The following CNBD1 variants were observed in gnomAD, a reference collection of about 807,000 sequenced individuals.
The protein encoded by CNBD1 is cyclic nucleotide binding domain containing 1.
Under a neutral mutation model 54.4 loss-of-function variants are expected in CNBD1, and 71 were observed. The observed-to-expected ratio is 1.30, with a 90% CI of 1.08 to 1.59. CNBD1 has a LOEUF of 1.59. Ranked by LOEUF, CNBD1 falls within the 40% of genes most tolerant of loss-of-function variation. CNBD1 has a pLI of 0.00. For missense variants in CNBD1, 659 were observed against 518.0 expected (o/e 1.27, Z -2.64); for synonymous variants, 182 against 170.7 (o/e 1.07, Z -0.51).
intron 5 of CNBD1, among the ~76,000 whole-genome samples, chr8:87,211,227 C>T (rs911934342): frequency 2.6e-5 from 4 of 152,258 alleles, no homozygotes; most frequent in Non-Finnish European, 5.9e-5. Context: ...TTGCCTGTTT[C>T]CCCATTGTAT....
chr8:87,116,189 T>A, intron 4 of CNBD1, among the ~76,000 whole-genome samples: 1 of 147,650 alleles, frequency 6.8e-6, no homozygotes. Context: ...TATTCTATTC[T>A]CATGTCTTTT....
chr8:87,314,619 CT>C (rs1809341800), intron 8 of CNBD1, among the ~76,000 whole-genome samples: 1 of 151,716 alleles, frequency 6.6e-6, no homozygotes, highest in South Asian at 2.1e-4. Flanking sequence ...ATTATTTTTT[CT>C]CATGATATTA....
intron 2 of CNBD1, among the ~76,000 whole-genome samples, chr8:87,400,944 A>C (rs958786891): frequency 4.6e-5 from 7 of 152,004 alleles, no homozygotes; most frequent in Admixed American, 2.6e-4. Context: ...TTTCTTAAAA[A>C]CATCTCTAGG....
intron 8 of CNBD1, among the ~76,000 whole-genome samples, chr8:87,342,238 A>C (rs1420221652): frequency 1.3e-5 from 2 of 151,364 alleles, no homozygotes; most frequent in Non-Finnish European, 1.5e-5. Context: ...GTGCCACTGC[A>C]CTCCAGCCTG....
At chr8:87,033,755 T>C (rs1809845499) in intron 4 of CNBD1, among the ~76,000 whole-genome samples, 1 of 151,582 alleles carries the variant, frequency 6.6e-6, no homozygotes, top group South Asian at 2.1e-4. Context: ...CTTTTCTTAA[T>C]GGCTTCTGGA....
At chr8:87,355,941 CT>C (rs974084514) in intron 10 of CNBD1, among the ~76,000 whole-genome samples, 2 of 152,030 alleles carry the variant, frequency 1.3e-5, no homozygotes, top group Non-Finnish European at 2.9e-5. Flanking sequence ...AGTTCTCACT[CT>C]ATTAGTTCAT....
At chr8:87,338,128 A>G (rs990331141) in intron 8 of CNBD1, among the ~76,000 whole-genome samples, 16 of 152,234 alleles carry the variant, frequency 1.1e-4, no homozygotes, top group African/African-American at 3.9e-4. Flanking sequence ...TCTAATTTCA[A>G]ATAATACTAT....
chr8:87,237,932 C>A (rs1807615256), intron 6 of CNBD1, among the ~76,000 whole-genome samples: 1 of 152,060 alleles, frequency 6.6e-6, no homozygotes, highest in South Asian at 2.1e-4. Flanking sequence ...TTCTGATTGT[C>A]TTCTTGTTAG....
intron 4 of CNBD1, among the ~76,000 whole-genome samples, chr8:87,087,262 CAT>C (rs960920154): frequency 7.4e-6 from 1 of 135,102 alleles, no homozygotes; most frequent in Non-Finnish European, 1.5e-5. Context: ...TATATATATA[CAT>C]ATATATATAC....
At chr8:87,388,169 C>T (rs1811230914) in intron 2 of CNBD1, among the ~76,000 whole-genome samples, 1 of 152,128 alleles carries the variant, frequency 6.6e-6, no homozygotes, top group Non-Finnish European at 1.5e-5. Context: ...CTAAAATTGA[C>T]ACCCTAACAT....
chr8:87,202,560 C>T (rs990512605), intron 4 of CNBD1, among the ~76,000 whole-genome samples: 2 of 152,094 alleles, frequency 1.3e-5, no homozygotes, highest in Non-Finnish European at 2.9e-5. Flanking sequence ...ATGTTACATC[C>T]ACCTGCCCCA....
At chr8:87,368,320 G>C (rs571812894) in intron 10 of CNBD1, among the ~76,000 whole-genome samples, 3 of 152,052 alleles carry the variant, frequency 2.0e-5, no homozygotes, top group Admixed American at 1.3e-4. Context: ...GGGCAGACTA[G>C]AGTGAAGATA....
At chr8:86,974,984 T>G (rs1477240520) in intron 4 of CNBD1, among the ~76,000 whole-genome samples, 1 of 152,042 alleles carries the variant, frequency 6.6e-6, no homozygotes, top group Non-Finnish European at 1.5e-5. Context: ...AGGGCTAATG[T>G]GTTTGGAAAA....
chr8:87,421,894 G>C (rs1452867603), intron 2 of CNBD1, among the ~76,000 whole-genome samples: 1 of 145,982 alleles, frequency 6.9e-6, no homozygotes, highest in Non-Finnish European at 1.5e-5. Context: ...CCCACCAACA[G>C]TGTAAAAGTG....
At chr8:86,903,800 A>G (rs1444742374) in intron 2 of CNBD1, among the ~76,000 whole-genome samples, 1 of 152,068 alleles carries the variant, frequency 6.6e-6, no homozygotes, top group African/African-American at 2.4e-5. Context: ...GAATATAACA[A>G]GTATCCAGTG....
chr8:87,082,187 C>T (rs7813698), intron 4 of CNBD1, among the ~76,000 whole-genome samples: 83 of 152,194 alleles, frequency 5.5e-4, no homozygotes, highest in African/African-American at 2.0e-3. Context: ...ATCAATCGAC[C>T]TTGTGACATT....
At chr8:87,361,372 G>A (rs1312479593) in intron 10 of CNBD1, among the ~76,000 whole-genome samples, 1 of 151,640 alleles carries the variant, frequency 6.6e-6, no homozygotes, top group Non-Finnish European at 1.5e-5. Context: ...GAAATCAGTA[G>A]AAGGAGATTA....
At chr8:87,391,840 G>T (rs1586074694) in intron 2 of CNBD1, among the ~76,000 whole-genome samples, 2 of 152,056 alleles carry the variant, frequency 1.3e-5, no homozygotes, top group South Asian at 4.1e-4. Flanking sequence ...AAAGTAATTT[G>T]GCCTTCATAA....
intron 6 of CNBD1, among the ~76,000 whole-genome samples, chr8:87,244,554 TC>T (rs2130833050): frequency 6.6e-6 from 1 of 152,240 alleles, no homozygotes; most frequent in South Asian, 2.1e-4. Context: ...GTTGAATTTA[TC>T]CCTTTTAAGT....
Sources: allele counts gnomAD v4.1 joint callset (sites outside exome capture counted in the v4.1 genomes callset), GRCh38; gene constraint gnomAD v4.1.1; transcripts MANE v1.5; gene names NCBI Gene and HGNC (gene_info 2026-07-23, HGNC 2026-07-21).